The following CNTLN variants were observed in gnomAD, a reference collection of about 807,000 sequenced individuals.
The protein encoded by CNTLN is centlein.
In CNTLN, 212 loss-of-function variants were observed where a neutral mutation model predicts 180.0. The ratio of observed to expected loss-of-function variants is 1.18; its 90% CI spans 1.05 to 1.32. The LOEUF (loss-of-function observed/expected upper bound fraction) is 1.32. Ranked by LOEUF, CNTLN falls within the 40% of genes most tolerant of loss-of-function variation. CNTLN has a pLI of 0.00. For missense variants in CNTLN, 2,095 were observed against 1,610.9 expected (o/e 1.30, Z -5.14); for synonymous variants, 722 against 563.1 (o/e 1.28, Z -3.99).
intron 2 of CNTLN, chr9:17,166,827 G>A (rs547157346): frequency 7.5e-5 from 31 of 415,722 alleles, no homozygotes; most frequent in African/African-American, 6.0e-4. Context: ...GGAGGCCACC[G>A]GAAGATGTGT....
Position 17,502,665 on chromosome 9 carries a change from G to C in CNTLN, c.*13G>C. ...AGATATTAGATGATATTAAAATGGA[G>C]AGCTTTATTGCAAATGTGAAAACTT... On this transcript the variant is annotated 3_prime_UTR_variant, in exon 26 of 26. Coordinates refer to ENST00000380647, the MANE Select transcript of CNTLN (RefSeq NM_017738.4). 1 of 1,073,320 alleles carries C rather than the reference G, an allele frequency of 9.3e-7. No homozygotes were observed. Among genetic ancestry groups the C allele is most frequent in the African/African-American group, 1.7e-5 (1 of 60,074 alleles). The allele number at this position is 1,073,320 out of a possible 1,614,324, so 66.5% of individuals were successfully genotyped here.
chr9:17,459,909 A>T (rs556540758), intron 19 of CNTLN, among the ~76,000 whole-genome samples: 17 of 151,870 alleles, frequency 1.1e-4, no homozygotes, highest in African/African-American at 4.1e-4. Context: ...GTTCGGTGAG[A>T]ACTTCTACAT....
intron 15 of CNTLN, among the ~76,000 whole-genome samples, chr9:17,402,292 G>A (rs1337127726): frequency 6.6e-6 from 1 of 151,794 alleles, no homozygotes; most frequent in Non-Finnish European, 1.5e-5. Context: ...AATAGAATTA[G>A]TGACAAACCC....
intron 7 of CNTLN, among the ~76,000 whole-genome samples, chr9:17,308,453 C>T (rs1818889584): frequency 6.6e-6 from 1 of 152,104 alleles, no homozygotes; most frequent in East Asian, 1.9e-4. Flanking sequence ...TCTGTTCCTC[C>T]TAGCAGTAGA....
chr9:17,155,532 C>T (rs1004816592), intron 2 of CNTLN, among the ~76,000 whole-genome samples: 7 of 152,170 alleles, frequency 4.6e-5, no homozygotes, highest in Non-Finnish European at 5.9e-5. Context: ...CTGCCCAGTT[C>T]GAACTTCCCA....
At chr9:17,407,950 A>G (rs150687643) in intron 15 of CNTLN, among the ~76,000 whole-genome samples, 5,399 of 151,788 alleles carry the variant, frequency 0.036, 155 homozygotes, top group East Asian at 0.17. Context: ...ACATGGTGAA[A>G]CCCCATCTCT....
chr9:17,143,690 G>T (rs1347464637), intron 2 of CNTLN, among the ~76,000 whole-genome samples: 1 of 152,126 alleles, frequency 6.6e-6, no homozygotes, highest in African/African-American at 2.4e-5. Context: ...CGAAGTCCCT[G>T]TTGTTTGACT....
At chr9:17,442,660 A>G (rs929823057) in intron 18 of CNTLN, among the ~76,000 whole-genome samples, 2 of 152,198 alleles carry the variant, frequency 1.3e-5, no homozygotes, top group Admixed American at 6.5e-5. Context: ...TGGCCTCTTA[A>G]AGTGCTGGGA....
Position 17,309,060 on chromosome 9 carries a change from T to C in CNTLN, c.1149T>C (p.Leu383=). ...TTTGGATATATTTTTTGAAACAGCT[T>C]TACAATGAGTTACATATTTGTTTTG... ...HTAESISYQK[L]YNELHICFET... is the part of the protein sequence containing the mutation. The change falls in exon 8 of 26, where the codon CTT becomes CTC. Residue 383 remains leucine (L), a splice_region_variant and synonymous_variant. Transcript: ENST00000380647. 6.4e-7 allele frequency: 1 copy of C among 1,571,124 alleles called. No homozygotes were observed. The highest frequency in any genetic ancestry group is 1.2e-5 in the South Asian group (1 of 83,612).
intron 25 of CNTLN, among the ~76,000 whole-genome samples, chr9:17,488,355 T>C (rs762137130): frequency 2.3e-4 from 35 of 152,142 alleles, no homozygotes; most frequent in Non-Finnish European, 1.5e-5. Flanking sequence ...CTTAATCATG[T>C]GGTACTCCCA....
chr9:17,290,235 C>T (rs1323199123), intron 6 of CNTLN, among the ~76,000 whole-genome samples: 1 of 152,032 alleles, frequency 6.6e-6, no homozygotes, highest in East Asian at 1.9e-4. Flanking sequence ...TCAGACAGGA[C>T]CCTCAGCTGC....
intron 8 of CNTLN, among the ~76,000 whole-genome samples, chr9:17,311,065 T>C (rs1930644): frequency 0.84 from 126,871 of 151,788 alleles, 53,205 homozygotes; most frequent in Non-Finnish European, 0.87. Context: ...GCTTTTGTTG[T>C]CCAGGCTGGA....
intron 13 of CNTLN, among the ~76,000 whole-genome samples, chr9:17,382,822 G>C (rs1484958688): frequency 6.6e-6 from 1 of 152,034 alleles, no homozygotes; most frequent in Non-Finnish European, 1.5e-5. Context: ...GCAAAATAAA[G>C]CCCAAATTCA....
At chr9:17,343,621 C>G (rs1821654318) in intron 12 of CNTLN, among the ~76,000 whole-genome samples, 1 of 152,092 alleles carries the variant, frequency 6.6e-6, no homozygotes, top group South Asian at 2.1e-4. Flanking sequence ...ATTTTATAGA[C>G]TCATAGATTT....
chr9:17,273,626 A>G (rs556789134), intron 5 of CNTLN, 107 bp from the exon 6 acceptor site: 7 of 569,834 alleles, frequency 1.2e-5, no homozygotes, highest in Non-Finnish European at 1.9e-5. Context: ...TGAAAAAATT[A>G]AAACTATTTT....
chr9:17,511,648 T>A, the CNTLN span, among the ~76,000 whole-genome samples: 225 of 146,614 alleles, frequency 1.5e-3, no homozygotes, highest in Middle Eastern at 0.01. Context: ...TCTCTCTCTC[T>A]CACACACACA....
At chr9:17,277,894 T>C (rs1358268242) in intron 6 of CNTLN, among the ~76,000 whole-genome samples, 1 of 152,106 alleles carries the variant, frequency 6.6e-6, no homozygotes, top group Non-Finnish European at 1.5e-5. Context: ...TTTGGAAGAC[T>C]CACTATCATA....
At chr9:17,255,346 T>G (rs1399775531) in intron 5 of CNTLN, among the ~76,000 whole-genome samples, 3 of 151,796 alleles carry the variant, frequency 2.0e-5, no homozygotes, top group Non-Finnish European at 3.0e-5. Flanking sequence ...CTTTGTTATG[T>G]TGAAGTAGCT....
chr9:17,497,943 A>G lies in CNTLN; in HGVS notation c.4120-4608A>G, dbSNP rs10963118. Among the ~76,000 whole-genome samples the G allele has an allele frequency of 9.6e-3, 1,455 of 152,264 alleles. 35 individuals carry two copies. The highest frequency in any genetic ancestry group is 0.067 in the East Asian group (349 of 5,178). On this transcript the variant is annotated intron_variant, in intron 25 of 25. Coordinates refer to ENST00000380647, the MANE Select transcript of CNTLN (RefSeq NM_017738.4). The stretch of plus-strand genomic sequence containing the variant: ...CAAATGTTGCACCTTTAATTTTATA[A>G]TAAACTACATTATCGTATCTTACTA...
Sources: gnomAD v4.1 joint callset for allele counts (sites outside exome capture counted in the v4.1 genomes callset) on GRCh38, gnomAD v4.1.1 for gene constraint, MANE v1.5 for transcripts, NCBI Gene and HGNC (gene_info 2026-07-23, HGNC 2026-07-21) for gene names.